Variants in TSPAN18 observed in about 807,000 individuals in gnomAD.
TSPAN18 encodes the protein tetraspanin 18.
In TSPAN18, 14 loss-of-function variants were observed where a neutral mutation model predicts 27.3. That is an observed-to-expected ratio of 0.51 (90% CI 0.34 to 0.80). The LOEUF (loss-of-function observed/expected upper bound fraction) is 0.80. TSPAN18 is among the 30% of genes least tolerant of loss of function. The probability of loss-of-function intolerance (pLI) is 0.01; values close to 1 mark genes in which losing one functional copy is unlikely to be tolerated. For synonymous variants in TSPAN18, 143 were observed against 136.5 expected (o/e 1.05, Z -0.33); for missense variants, 268 against 323.9 (o/e 0.83, Z 1.32).
chr11:44,882,625 C>CAG (rs149910008), intron 3 of TSPAN18, among the ~76,000 whole-genome samples: 302 of 62,218 alleles, frequency 4.9e-3, no homozygotes, highest in Middle Eastern at 0.013. Context: ...CACACACACA[C>CAG]ACAGAGAGAG....
intron 2 of TSPAN18, among the ~76,000 whole-genome samples, chr11:44,839,260 T>G (rs1825119525): frequency 6.6e-6 from 1 of 152,214 alleles, no homozygotes; most frequent in African/African-American, 2.4e-5. Flanking sequence ...GGTCAGGGGC[T>G]TGGACTCTGG....
chr11:44,872,924 G>A (rs1342772936), intron 3 of TSPAN18, among the ~76,000 whole-genome samples: 1 of 152,210 alleles, frequency 6.6e-6, no homozygotes, highest in African/African-American at 2.4e-5. Context: ...GCAGTGGCAG[G>A]ACTGCATGCT....
chr11:44,766,751 G>A (rs1855576591), intron 2 of TSPAN18, among the ~76,000 whole-genome samples: 1 of 152,190 alleles, frequency 6.6e-6, no homozygotes, highest in Admixed American at 6.5e-5. Context: ...TGACCACAAA[G>A]CAACAGGCAG....
chr11:44,813,031 T>TGCA (rs141885001), intron 2 of TSPAN18, among the ~76,000 whole-genome samples: 7,104 of 152,294 alleles, frequency 0.047, 173 homozygotes, highest in Middle Eastern at 0.071. Flanking sequence ...ACCCTCACCT[T>TGCA]GCAGCAGCCT....
intron 3 of TSPAN18, among the ~76,000 whole-genome samples, chr11:44,860,961 T>G (rs1277983998): frequency 6.6e-6 from 1 of 152,206 alleles, no homozygotes; most frequent in East Asian, 1.9e-4. Flanking sequence ...TTTTTAAAAT[T>G]GGTTTCTAAT....
chr11:44,807,721 T>C (rs1856631711), intron 2 of TSPAN18, among the ~76,000 whole-genome samples: 1 of 152,166 alleles, frequency 6.6e-6, no homozygotes, highest in Non-Finnish European at 1.5e-5. Context: ...TTTGAATCTC[T>C]GCTCCGCTGC....
intron 1 of TSPAN18, among the ~76,000 whole-genome samples, chr11:44,749,348 G>C (rs995411614): frequency 1.3e-5 from 2 of 152,230 alleles, no homozygotes; most frequent in African/African-American, 4.8e-5. Flanking sequence ...CAATGTGAGT[G>C]CTTCCATATG....
In TSPAN18 at chr11:44,900,680, C is replaced by CTTT. The variant is rs72469181; in HGVS notation, c.-10-5698_-10-5696dup. Reference sequence around the variant, plus strand: ...TATTTTCCATACAACTTGAGGAAGGCTTTTTTTTTTTTTTTTTTTTTTTTT... The same window carrying CTTT: ...TATTTTCCATACAACTTGAGGAAGGCTTTTTTTTTTTTTTTTTTTTTTTTTTTT... On this transcript the variant is annotated intron_variant, in intron 3 of 9. Transcript: ENST00000520358. Among the ~76,000 whole-genome samples, 153 of 49,730 alleles carry CTTT rather than the reference C, an allele frequency of 3.1e-3. 19 individuals are homozygous for CTTT. Among genetic ancestry groups the CTTT allele is most frequent in the African/African-American group, 0.012 (138 of 11,126 alleles). The allele number at this position is 49,730 out of a possible 152,430, so 32.6% of individuals were successfully genotyped here. A position where few individuals can be genotyped will look rare whatever the true frequency, so the allele number is the denominator to read the frequency against.
rs779351232 is a variant in TSPAN18 at position 44,930,938 on chromosome 11, C to T, written c.*1760C>T. 1.9e-6 allele frequency: 1 copy of T among 516,604 alleles called. No homozygotes were observed. Among genetic ancestry groups the T allele is most frequent in the East Asian group, 5.7e-5 (1 of 17,496 alleles). 32.0% of individuals were successfully genotyped at this position (516,604 alleles called of 1,614,324 possible). ...CCAGCCTCCCCTCAGGCTTTCCAGT[C>T]ACCAGGGACACTCGGAGCCACAGCC... On this transcript the variant is annotated 3_prime_UTR_variant, in exon 10 of 10. Coordinates refer to ENST00000520358, the MANE Select transcript of TSPAN18 (RefSeq NM_130783.5).
intron 5 of TSPAN18, among the ~76,000 whole-genome samples, chr11:44,914,329 CT>C (rs536335553): frequency 4.6e-4 from 70 of 152,344 alleles, no homozygotes; most frequent in Middle Eastern, 3.4e-3. Context: ...GCTCTAACTC[CT>C]GCTCTGTCAT....
intron 2 of TSPAN18, among the ~76,000 whole-genome samples, chr11:44,775,486 G>C (rs1051914420): frequency 3.9e-5 from 6 of 152,060 alleles, no homozygotes; most frequent in Non-Finnish European, 7.4e-5. Context: ...GCAGCTTAGC[G>C]TACTTGGAGG....
intron 3 of TSPAN18, among the ~76,000 whole-genome samples, chr11:44,890,256 C>G (rs1275285288): frequency 6.6e-6 from 1 of 152,198 alleles, no homozygotes; most frequent in South Asian, 2.1e-4. Context: ...CCATAGAACT[C>G]AAGGGATTGG....
intron 5 of TSPAN18, among the ~76,000 whole-genome samples, chr11:44,910,997 C>G (rs549760387): frequency 6.6e-6 from 1 of 152,240 alleles, no homozygotes; most frequent in Non-Finnish European, 1.5e-5. Context: ...TGGGTCTTCT[C>G]GTTCTCGAGT....
At chr11:44,927,082 A>C (rs1860387702) in intron 9 of TSPAN18, among the ~76,000 whole-genome samples, 1 of 152,150 alleles carries the variant, frequency 6.6e-6, no homozygotes, top group African/African-American at 2.4e-5. Flanking sequence ...ACGCTTGCAG[A>C]GGCATCAGCA....
In TSPAN18 at chr11:44,930,519, A is replaced by C. The variant is rs1010358324; in HGVS notation, c.*1341A>C. 4.1e-6 allele frequency: 1 copy of C among 242,428 alleles called. No homozygotes were observed. The highest frequency in any genetic ancestry group is 8.2e-6 in the Non-Finnish European group (1 of 121,252). 15.0% of individuals were successfully genotyped at this position (242,428 alleles called of 1,614,324 possible). On this transcript the variant is annotated 3_prime_UTR_variant, in exon 10 of 10. Transcript: ENST00000520358. ...GCATCGAGGCCATTTCTGCTGCAAC[A>C]AGGTTTCCTGTCTCTTCACTGTCCG...
chr11:44,812,298 T>C (rs1157152766), intron 2 of TSPAN18, among the ~76,000 whole-genome samples: 1 of 152,202 alleles, frequency 6.6e-6, no homozygotes, highest in Non-Finnish European at 1.5e-5. Context: ...AGTGATGACA[T>C]GAGTGCTAGC....
chr11:44,873,856 A>T (rs1463829799), intron 3 of TSPAN18, among the ~76,000 whole-genome samples: 4 of 152,136 alleles, frequency 2.6e-5, no homozygotes, highest in Non-Finnish European at 5.9e-5. Context: ...CTGTGAAGGG[A>T]GCTGGCATTC....
intron 4 of TSPAN18, 124 bp downstream of exon 4, chr11:44,906,603 C>A: frequency 1.1e-6 from 1 of 909,314 alleles, no homozygotes; most frequent in Non-Finnish European, 1.7e-6. Flanking sequence ...GGCAGGGGTA[C>A]CTGCCAGCCA....
At chr11:44,921,482 G>A (rs971613436) in intron 8 of TSPAN18, among the ~76,000 whole-genome samples, 1 of 152,300 alleles carries the variant, frequency 6.6e-6, no homozygotes, top group African/African-American at 2.4e-5. Flanking sequence ...GCTAGACCAT[G>A]TAACCGAGTT....
Sources: gnomAD v4.1 joint callset for allele counts (sites outside exome capture counted in the v4.1 genomes callset) on GRCh38, gnomAD v4.1.1 for gene constraint, MANE v1.5 for transcripts, NCBI Gene and HGNC (gene_info 2026-07-23, HGNC 2026-07-21) for gene names.